KMT2A: variants seen among roughly 807,000 people sequenced by gnomAD.
KMT2A encodes the protein lysine methyltransferase 2A.
In KMT2A, 16 loss-of-function variants were observed where a neutral mutation model predicts 345.3. The ratio of observed to expected loss-of-function variants is 0.05; its 90% CI spans 0.03 to 0.07. The LOEUF (loss-of-function observed/expected upper bound fraction) is 0.07, where lower values mean the gene tolerates loss of function less well. Among genes scored for constraint, KMT2A ranks in the 10% least tolerant of loss-of-function variants. The probability of loss-of-function intolerance (pLI) is 1.00; values close to 1 mark genes in which losing one functional copy is unlikely to be tolerated. For missense variants in KMT2A, 3,272 were observed against 4,841.6 expected (o/e 0.68, Z 9.62); for synonymous variants, 1,599 against 1,778.6 (o/e 0.90, Z 2.54).
Position 118,496,416 on chromosome 11 carries a change from AC to A in KMT2A, c.5664+50del. The A allele has an allele frequency of 2.3e-6, 3 of 1,305,494 alleles. No individual in the cohort carries two copies. The highest frequency in any genetic ancestry group is 3.3e-6 in the Non-Finnish European group (3 of 900,062). The allele number at this position is 1,305,494 out of a possible 1,614,324, so 80.9% of individuals were successfully genotyped here. ...CCTAGTTAATACATACTCCAAAAGA[AC>A]TGTTTGTCCTTGTGTCCATACTTGA... On this transcript the variant is annotated intron_variant, in intron 20 of 35. Coordinates refer to ENST00000534358, the MANE Select transcript of KMT2A (RefSeq NM_001197104.2). The surrounding 1 kb of genome is among the most constrained non-coding windows in gnomAD (Gnocchi z 4.7).
chr11:118,520,934 C>A lies in KMT2A; in HGVS notation c.11513+49C>A, dbSNP rs1950952981. On this transcript the variant is annotated intron_variant, in intron 34 of 35. Coordinates refer to ENST00000534358, the MANE Select transcript of KMT2A (RefSeq NM_001197104.2). The surrounding 1 kb of genome is among the most constrained non-coding windows in gnomAD (Gnocchi z 4.3). ...ATTACAGAAAACGAATGCAGTTTTT[C>A]AAAATCAAAGCAGACCAAATGCTGG... 1 of 1,443,702 alleles carries A rather than the reference C, an allele frequency of 6.9e-7. No individual in the cohort carries two copies. The highest frequency in any genetic ancestry group is 1.1e-5 in the South Asian group (1 of 87,410). The allele number at this position is 1,443,702 out of a possible 1,614,324, so 89.4% of individuals were successfully genotyped here.
rs1353640382 is a variant in KMT2A, at chr11:118,510,803, C to T, written c.11071+685C>T. ...AGAAGAGTTCAAAGAAGAGAAAGGT[C>T]ACCATGGGTGAGTTAGGGTTATCAA... is the stretch of plus-strand genomic sequence containing the variant. On this transcript the variant is annotated intron_variant, in intron 30 of 35. Coordinates refer to ENST00000534358, the MANE Select transcript of KMT2A (RefSeq NM_001197104.2). This position sits in a 1 kb window ranked among gnomAD's most constrained non-coding sequence, Gnocchi z 4.1. 6.6e-6 allele frequency among the ~76,000 whole-genome samples: 1 copy of T among 152,088 alleles called. No individual in the cohort carries two copies. The highest frequency in any genetic ancestry group is 2.4e-5 in the African/African-American group (1 of 41,402).
At chr11:118,448,364 G>A (rs1008493810) in intron 1 of KMT2A, 5 of 152,116 alleles carry the variant, frequency 3.3e-5, no homozygotes, top group Non-Finnish European at 5.9e-5. Flanking sequence ...CAAACTAATA[G>A]AAGTTTGCTT....
In KMT2A at chr11:118,488,689, C is replaced by A; in HGVS notation, c.4408C>A (p.Gln1470Lys). Residue 1470 changes from glutamine (Q) to lysine (K), a missense_variant, in exon 11 of 36, where the codon CAG becomes AAG. By Grantham distance (53) the Gln-to-Lys change is moderately conservative (BLOSUM62 1). Around this residue, in one of 27 missense-constraint regions of KMT2A, gnomAD observed 120 missense variants for 280.4 expected, o/e 0.43. Transcript: ENST00000534358. ...GGAGAACGAGCGCCCTCTGGAGGACCAGCTGGAAAATTGGTGTTGTCGTCG... is the reference window on the plus strand; with the variant it reads ...GGAGAACGAGCGCCCTCTGGAGGACAAGCTGGAAAATTGGTGTTGTCGTCG... ...LEENERPLEDQLENWCCRRCK... is the reference protein window; with the variant it reads ...LEENERPLEDKLENWCCRRCK... 1 of 1,614,090 alleles carries A rather than the reference C, an allele frequency of 6.2e-7. No individual in the cohort carries two copies.
rs782813188 is a variant in KMT2A, at chr11:118,490,180, A to G, written c.4627A>G (p.Lys1543Glu). 20 of 1,609,242 alleles carry G rather than the reference A, an allele frequency of 1.2e-5. No homozygotes were observed. The highest frequency in any genetic ancestry group is 1.6e-5 in the Non-Finnish European group (19 of 1,178,794). Reference sequence around the variant, plus strand: ...GAGCTGTGGATCCACAACTCCAGGCAAAGGGTGGGATGCACAGTGGTCTCA... The same window carrying G: ...GAGCTGTGGATCCACAACTCCAGGCGAAGGGTGGGATGCACAGTGGTCTCA... Reference protein sequence around the residue: ...CKSCGSTTPGKGWDAQWSHDF... With the variant: ...CKSCGSTTPGEGWDAQWSHDF... Residue 1543 changes from lysine to glutamate, a missense_variant, in exon 13 of 36, where the codon AAA (lysine) becomes GAA (glutamate). By Grantham distance (56) the Lys-to-Glu change is moderately conservative. Coordinates refer to ENST00000534358, the MANE Select transcript of KMT2A (RefSeq NM_001197104.2). The surrounding 1 kb of genome is among the most constrained non-coding windows in gnomAD (Gnocchi z 4.2).
At chr11:118,456,506 T>A (rs1410361682) in intron 1 of KMT2A, among the ~76,000 whole-genome samples, 1 of 151,722 alleles carries the variant, frequency 6.6e-6, no homozygotes, top group African/African-American at 2.4e-5. Flanking sequence ...GCCCAGCTAA[T>A]TTTTTGTGTT....
At chr11:118,439,194 C>T in intron 1 of KMT2A, 1 of 395,126 alleles carries the variant, frequency 2.5e-6, no homozygotes, top group Non-Finnish European at 4.9e-6. Flanking sequence ...AAAAAACTGA[C>T]ATTTCATTTA....
rs1156776652 is a variant in KMT2A, at chr11:118,497,091, G to A, written c.5664+724G>A. Among the ~76,000 whole-genome samples, 1 of 151,846 alleles carries A rather than the reference G, an allele frequency of 6.6e-6. No individual in the cohort carries two copies. The highest frequency in any genetic ancestry group is 1.5e-5 in the Non-Finnish European group (1 of 67,976). ...GTGATCTCGGCTCACTACAACCTCC[G>A]CCTCCTATGTTCAAGCAATTCTCCT... On this transcript the variant is annotated intron_variant, in intron 20 of 35. Coordinates refer to ENST00000534358, the MANE Select transcript of KMT2A (RefSeq NM_001197104.2). The surrounding 1 kb of genome is among the most constrained non-coding windows in gnomAD (Gnocchi z 4.8).
chr11:118,464,675 G>A (rs1344914780), intron 1 of KMT2A, among the ~76,000 whole-genome samples: 2 of 152,140 alleles, frequency 1.3e-5, no homozygotes, highest in South Asian at 2.1e-4. Context: ...AGATCCTGAA[G>A]CATGTCTTTG....
intron 31 of KMT2A, among the ~76,000 whole-genome samples, chr11:118,517,393 C>G: frequency 2.1e-5 from 1 of 46,962 alleles, no homozygotes; most frequent in East Asian, 3.5e-4. Context: ...GAGACTCTGT[C>G]TCAAAAAAAA....
chr11:118,513,937 C>CAAAAAAAA (rs1178939991), intron 31 of KMT2A, among the ~76,000 whole-genome samples: 1 of 47,342 alleles, frequency 2.1e-5, no homozygotes, highest in African/African-American at 8.4e-5. Context: ...GACCCTGTCT[C>CAAAAAAAA]AAAAAAAAAA....
chr11:118,499,176 C>G, intron 22 of KMT2A, 127 bp from the exon 23 acceptor site: 1 of 698,024 alleles, frequency 1.4e-6, no homozygotes. Context: ...ACAGAAGTGT[C>G]CTGCTAAGTG....
At position 118,484,476 on chromosome 11, in the gene KMT2A, G is replaced by C. The variant is rs1555040348; in HGVS notation, c.4218+162G>C. ...TTTAGCGCTGGGAGAGCTTTGGTCA[G>C]TGTTGTTAGGTCACTGTTTGTGAAC... On this transcript the variant is annotated intron_variant, in intron 9 of 35. Transcript: ENST00000534358. This position sits in a 1 kb window ranked among gnomAD's most constrained non-coding sequence, Gnocchi z 4.1. 2 of 677,006 alleles carry C rather than the reference G, an allele frequency of 3.0e-6. No individual in the cohort carries two copies. The highest frequency in any genetic ancestry group is 1.8e-5 in the African/African-American group (1 of 55,224). 41.9% of individuals were successfully genotyped at this position (677,006 alleles called of 1,614,324 possible).
In KMT2A at chr11:118,476,319, T is replaced by C. The variant is rs1243275058; in HGVS notation, c.3157-486T>C. Among the ~76,000 whole-genome samples the C allele has an allele frequency of 6.6e-6, 1 of 152,198 alleles. No individual in the cohort carries two copies. Among genetic ancestry groups the C allele is most frequent in the African/African-American group, 2.4e-5 (1 of 41,444 alleles). ...CACTGAACTTTTTGATAATATAGAC[T>C]GGCAGCTTGAATTTTGAGGGGAATT... On this transcript the variant is annotated intron_variant, in intron 3 of 35. Coordinates refer to ENST00000534358, the MANE Select transcript of KMT2A (RefSeq NM_001197104.2). The surrounding 1 kb of genome is among the most constrained non-coding windows in gnomAD (Gnocchi z 4.1).
At chr11:118,514,100 C>A (rs1051556697) in intron 31 of KMT2A, among the ~76,000 whole-genome samples, 7 of 152,144 alleles carry the variant, frequency 4.6e-5, no homozygotes, top group Admixed American at 6.5e-5. Context: ...TCTCCTATCT[C>A]ACCTCCTTGT....
chr11:118,439,696 GT>G (rs1211700584), intron 1 of KMT2A, among the ~76,000 whole-genome samples: 1 of 152,154 alleles, frequency 6.6e-6, no homozygotes, highest in Non-Finnish European at 1.5e-5. Context: ...TTTATAAGGG[GT>G]TTTTGTCTTT....
At chr11:118,459,638 A>AT in intron 1 of KMT2A, among the ~76,000 whole-genome samples, 1 of 151,646 alleles carries the variant, frequency 6.6e-6, no homozygotes. Flanking sequence ...TAGGCGGGTG[A>AT]TTTTTGCTCT....
chr11:118,438,459 G>C (rs1949245320), intron 1 of KMT2A, among the ~76,000 whole-genome samples: 1 of 142,360 alleles, frequency 7.0e-6, no homozygotes, highest in East Asian at 2.3e-4. Context: ...ATGGCATGGG[G>C]GATGCTAGGA....
chr11:118,483,803 G>A (rs560592573), intron 8 of KMT2A, among the ~76,000 whole-genome samples: 34 of 152,250 alleles, frequency 2.2e-4, no homozygotes, highest in African/African-American at 7.7e-4. Flanking sequence ...GGGCCAAGGC[G>A]GGAGGATCAC....
Sources: allele counts gnomAD v4.1 joint callset (sites outside exome capture counted in the v4.1 genomes callset), GRCh38; gene constraint gnomAD v4.1.1; regional missense constraint gnomAD v4.1.1; non-coding constraint Gnocchi (gnomAD v3.1); transcripts MANE v1.5; gene names NCBI Gene and HGNC (gene_info 2026-07-23, HGNC 2026-07-21).